Variants in ASTN2 observed in about 807,000 individuals in gnomAD.
ASTN2 encodes astrotactin 2.
A neutral mutation model predicts 139.8 loss-of-function variants in ASTN2; 54 were observed. The observed-to-expected ratio is 0.39, with a 90% CI of 0.31 to 0.48. The LOEUF is 0.48. Among genes scored for constraint, ASTN2 ranks in the 20% least tolerant of loss-of-function variants. ASTN2 has a pLI of 0.95. For missense variants in ASTN2, 1,565 were observed against 1,725.1 expected (o/e 0.91, Z 1.64); for synonymous variants, 756 against 719.5 (o/e 1.05, Z -0.81).
chr9:117,025,291 A>G (rs916142001), intron 6 of ASTN2, among the ~76,000 whole-genome samples: 2 of 152,200 alleles, frequency 1.3e-5, no homozygotes, highest in African/African-American at 4.8e-5. Flanking sequence ...TCTACACTTT[A>G]GAAAACTGCC....
At chr9:116,996,191 C>T (rs1234862179) in intron 7 of ASTN2, among the ~76,000 whole-genome samples, 1 of 152,008 alleles carries the variant, frequency 6.6e-6, no homozygotes, top group Non-Finnish European at 1.5e-5. Context: ...ACCCAGCCCC[C>T]ATATTTTAAT....
At chr9:116,451,986 C>T (rs1028684274) in intron 20 of ASTN2, among the ~76,000 whole-genome samples, 7 of 152,088 alleles carry the variant, frequency 4.6e-5, no homozygotes, top group Non-Finnish European at 8.8e-5. Context: ...CCCCATCCCC[C>T]GTCTTTTCCT....
intron 16 of ASTN2, among the ~76,000 whole-genome samples, chr9:116,683,754 T>A (rs1320650368): frequency 6.6e-6 from 1 of 152,226 alleles, no homozygotes; most frequent in African/African-American, 2.4e-5. Context: ...CTACCTGATT[T>A]CTCCTGAATA....
intron 3 of ASTN2, among the ~76,000 whole-genome samples, chr9:117,213,163 A>G (rs1404537867): frequency 6.6e-6 from 1 of 152,202 alleles, no homozygotes; most frequent in Non-Finnish European, 1.5e-5. Flanking sequence ...ACATTATATT[A>G]AGCAAAATAA....
chr9:116,887,198 CAA>C (rs2132381566), intron 10 of ASTN2, among the ~76,000 whole-genome samples: 4 of 152,028 alleles, frequency 2.6e-5, no homozygotes, highest in South Asian at 4.2e-4. Context: ...ATGGCAAATT[CAA>C]CAATGGCTGA....
At chr9:117,140,722 G>C (rs1411008834) in intron 4 of ASTN2, among the ~76,000 whole-genome samples, 1 of 152,022 alleles carries the variant, frequency 6.6e-6, no homozygotes, top group African/African-American at 2.4e-5. Context: ...AAAAGGAGCA[G>C]GAAGAAAATA....
At chr9:117,353,864 C>T (rs183320452) in intron 1 of ASTN2, among the ~76,000 whole-genome samples, 2 of 152,272 alleles carry the variant, frequency 1.3e-5, no homozygotes, top group East Asian at 3.9e-4. Context: ...ACCATGAAGA[C>T]AGCAAAAAGA....
intron 22 of ASTN2, among the ~76,000 whole-genome samples, chr9:116,426,442 ATGC>A (rs1847312353): frequency 6.6e-6 from 1 of 152,140 alleles, no homozygotes; most frequent in Admixed American, 6.6e-5. Flanking sequence ...TTGACACCAT[ATGC>A]TAGACACTGG....
At chr9:116,791,949 C>G (rs1174386772) in intron 13 of ASTN2, among the ~76,000 whole-genome samples, 1 of 152,060 alleles carries the variant, frequency 6.6e-6, no homozygotes, top group African/African-American at 2.4e-5. Flanking sequence ...CTCTTGCAGT[C>G]TAGAGACACA....
intron 1 of ASTN2, among the ~76,000 whole-genome samples, chr9:117,386,146 G>GAA (rs370991008): frequency 1.4e-5 from 2 of 146,934 alleles, no homozygotes; most frequent in South Asian, 2.1e-4. Flanking sequence ...GAAAGGAGGG[G>GAA]AAAAAAAAAA....
Position 116,435,977 on chromosome 9 carries a change from C to T in ASTN2, c.3782+4632G>A, listed in dbSNP as rs564494013. On this transcript the variant is annotated intron_variant, in intron 22 of 22. Coordinates refer to ENST00000313400, the MANE Select transcript of ASTN2 (RefSeq NM_001365068.1). ...CAGGCACGTTAAAGTTTGAGAAGCA[C>T]TGCTCTAAAACGCTTGTCCATTCAC... Among the ~76,000 whole-genome samples, 10 of 152,288 alleles carry T rather than the reference C, an allele frequency of 6.6e-5. No homozygotes were observed. The South Asian group carries it at 1.9e-3, about 28-fold the overall frequency.
At chr9:116,502,465 T>C (rs1449146325) in intron 19 of ASTN2, among the ~76,000 whole-genome samples, 1 of 150,656 alleles carries the variant, frequency 6.6e-6, no homozygotes, top group Non-Finnish European at 1.5e-5. Flanking sequence ...GAGACATAGA[T>C]AAGAACACAT....
At chr9:116,873,219 T>C (rs1439681817) in intron 10 of ASTN2, among the ~76,000 whole-genome samples, 3 of 152,228 alleles carry the variant, frequency 2.0e-5, no homozygotes, top group African/African-American at 7.2e-5. Flanking sequence ...GAGGCTGTTT[T>C]GAGACCTGTT....
chr9:116,966,379 TTTA>T (rs1430257476), intron 10 of ASTN2, among the ~76,000 whole-genome samples: 2 of 152,332 alleles, frequency 1.3e-5, no homozygotes, highest in Non-Finnish European at 2.9e-5. Context: ...TTCAGTTTCA[TTTA>T]GCAGAGGCTG....
intron 20 of ASTN2, among the ~76,000 whole-genome samples, chr9:116,467,961 A>G (rs891998335): frequency 6.6e-5 from 10 of 152,098 alleles, no homozygotes; most frequent in Admixed American, 5.9e-4. Flanking sequence ...TGGCCACACA[A>G]CGTTGGCTAG....
chr9:117,197,928 T>C (rs573284030), intron 3 of ASTN2, among the ~76,000 whole-genome samples: 5 of 152,156 alleles, frequency 3.3e-5, no homozygotes, highest in African/African-American at 4.8e-5. Context: ...TAATGAAAAA[T>C]TAGTTGTAAG....
At chr9:116,486,254 G>A (rs890870472) in intron 20 of ASTN2, among the ~76,000 whole-genome samples, 5 of 152,168 alleles carry the variant, frequency 3.3e-5, no homozygotes, top group Non-Finnish European at 5.9e-5. Context: ...AGTGCTTAGC[G>A]CAGAACCAAA....
intron 13 of ASTN2, among the ~76,000 whole-genome samples, chr9:116,735,509 C>A (rs144613299): frequency 1.3e-5 from 2 of 152,182 alleles, no homozygotes; most frequent in East Asian, 3.9e-4. Flanking sequence ...AACCAGCATG[C>A]ACTGAGCACA....
intron 13 of ASTN2, among the ~76,000 whole-genome samples, chr9:116,755,694 C>T (rs1042466311): frequency 6.6e-6 from 1 of 152,348 alleles, no homozygotes; most frequent in Admixed American, 6.5e-5. Context: ...TGCAGAGGAA[C>T]ACTCTACTAG....
Sources: gnomAD v4.1 joint callset for allele counts (sites outside exome capture counted in the v4.1 genomes callset) on GRCh38, gnomAD v4.1.1 for gene constraint, MANE v1.5 for transcripts, NCBI Gene and HGNC (gene_info 2026-07-23, HGNC 2026-07-21) for gene names.